LEMD1: variants seen among roughly 807,000 people sequenced by gnomAD.
LEMD1 encodes the protein LEM domain-containing protein 1.
A neutral mutation model predicts 17.4 loss-of-function variants in LEMD1; 18 were observed. The ratio of observed to expected loss-of-function variants is 1.04; its 90% CI spans 0.72 to 1.54. The LOEUF (loss-of-function observed/expected upper bound fraction) is 1.54, where lower values mean the gene tolerates loss of function less well. LEMD1 is among the 40% of genes most tolerant of loss of function. The probability of loss-of-function intolerance (pLI) is 0.00; values close to 1 mark genes in which losing one functional copy is unlikely to be tolerated. For missense variants in LEMD1, 195 were observed against 210.4 expected (o/e 0.93, Z 0.45); for synonymous variants, 88 against 77.8 (o/e 1.13, Z -0.69).
intron 5 of LEMD1, among the ~76,000 whole-genome samples, chr1:205,382,548 C>A (rs1663766148): frequency 6.6e-6 from 1 of 152,164 alleles, no homozygotes. Flanking sequence ...CAGGCGTGAG[C>A]CACTGTGCCC....
chr1:205,392,435 G>A lies in LEMD1; in HGVS notation c.271-8071C>T, dbSNP rs557692417. On this transcript the variant is annotated intron_variant, in intron 4 of 5. Transcript: ENST00000367153. ...TGTGTGCCTGTAGTCCCAGCTACTC[G>A]GGAGGCTGAGGCAGGAGGATCGTTT... Among the ~76,000 whole-genome samples the A allele has an allele frequency of 2.6e-4, 40 of 151,488 alleles. 1 individual carries two copies. The East Asian group carries it at 7.3e-3, about 28-fold the overall frequency.
chr1:205,432,404 C>G (rs996507686), intron 1 of LEMD1, among the ~76,000 whole-genome samples: 1 of 152,224 alleles, frequency 6.6e-6, no homozygotes, highest in African/African-American at 2.4e-5. Context: ...AAAACCTGCT[C>G]CAAGAGGGAA....
At chr1:205,388,008 G>A (rs1574942603) in intron 4 of LEMD1, among the ~76,000 whole-genome samples, 1 of 152,140 alleles carries the variant, frequency 6.6e-6, no homozygotes, top group East Asian at 1.9e-4. Context: ...TGAGAACCCT[G>A]AGGCATGGAG....
intron 1 of LEMD1, among the ~76,000 whole-genome samples, chr1:205,439,614 C>A (rs549860363): frequency 6.6e-6 from 1 of 152,200 alleles, no homozygotes; most frequent in Non-Finnish European, 1.5e-5. Flanking sequence ...TATCTTGGGG[C>A]CTTGCCCTCT....
At chr1:205,418,323 T>C (rs938576811) in intron 3 of LEMD1, among the ~76,000 whole-genome samples, 1 of 152,168 alleles carries the variant, frequency 6.6e-6, no homozygotes, top group Non-Finnish European at 1.5e-5. Flanking sequence ...GCCCTTCCCC[T>C]AAGATCCCTG....
At chr1:205,392,608 G>A (rs750796801) in intron 4 of LEMD1, among the ~76,000 whole-genome samples, 1 of 151,684 alleles carries the variant, frequency 6.6e-6, no homozygotes, top group Non-Finnish European at 1.5e-5. Context: ...GAATAGAGAA[G>A]ACAGAGAAAA....
At position 205,420,500 on chromosome 1, in the gene LEMD1, G is replaced by A. The variant is rs199985275; in HGVS notation, c.37C>T (p.Gln13Ter). The A allele has an allele frequency of 3.2e-5, 51 of 1,613,910 alleles. No individual in the cohort carries two copies. The highest frequency in any genetic ancestry group is 3.9e-5 in the Non-Finnish European group (46 of 1,179,964). The change falls in exon 2 of 6, where the codon CAG becomes TAG. Residue 13 changes from glutamine (Q) to a stop codon, truncating the protein, a stop_gained. Transcript: ENST00000367153. LOFTEE classifies it high-confidence loss of function. ...DVKCLSDCKL[Q>*]NQLEKLGFSP... ...AATCCAAGCTTCTCAAGTTGGTTCT[G>A]CAATTTACAGTCACTCAGACACTTC... is the stretch of plus-strand genomic sequence containing the variant.
intron 5 of LEMD1, among the ~76,000 whole-genome samples, chr1:205,382,607 G>A (rs1663772256): frequency 6.6e-6 from 1 of 152,046 alleles, no homozygotes; most frequent in Non-Finnish European, 1.5e-5. Flanking sequence ...GGGGATATGA[G>A]GTCTCTCAAA....
chr1:205,394,736 C>T (rs1477283722), intron 4 of LEMD1, among the ~76,000 whole-genome samples: 9 of 151,878 alleles, frequency 5.9e-5, no homozygotes, highest in Non-Finnish European at 1.5e-5. Flanking sequence ...TGCCTGTAAT[C>T]TCAGCACCTT....
intron 1 of LEMD1, among the ~76,000 whole-genome samples, chr1:205,421,208 C>A (rs1248493111): frequency 6.6e-6 from 1 of 152,196 alleles, no homozygotes; most frequent in Non-Finnish European, 1.5e-5. Context: ...TTATGTAAAT[C>A]TTGATATGGC....
chr1:205,404,885 A>C (rs1182933173), intron 4 of LEMD1, among the ~76,000 whole-genome samples: 2 of 151,962 alleles, frequency 1.3e-5, no homozygotes, highest in Admixed American at 6.6e-5. Context: ...GAGCTCTTTT[A>C]GGGCAGGCCT....
At chr1:205,429,607 G>A (rs961469729) in intron 1 of LEMD1, among the ~76,000 whole-genome samples, 28 of 152,168 alleles carry the variant, frequency 1.8e-4, no homozygotes, top group African/African-American at 6.0e-4. Context: ...GGAGATAGCC[G>A]GGGTTGGGGG....
At chr1:205,445,471 G>C (rs981091036) in intron 1 of LEMD1, among the ~76,000 whole-genome samples, 4 of 152,214 alleles carry the variant, frequency 2.6e-5, no homozygotes, top group Admixed American at 6.5e-5. Context: ...CTGGCTCACC[G>C]AGCTCTCTGG....
intron 4 of LEMD1, among the ~76,000 whole-genome samples, chr1:205,407,190 T>G (rs1665154460): frequency 6.6e-6 from 1 of 151,750 alleles, no homozygotes; most frequent in African/African-American, 2.4e-5. Flanking sequence ...ATTAGCCAGG[T>G]GTGGCAGCAC....
intron 4 of LEMD1, among the ~76,000 whole-genome samples, chr1:205,393,281 TATAATGATGTCATAAG>T (rs964787784): frequency 1.7e-4 from 26 of 152,180 alleles, no homozygotes; most frequent in African/African-American, 6.3e-4. Flanking sequence ...CCTATCTTGA[TATAATGATGTCATAAG>T]ATAATGACAT....
chr1:205,420,424 G>T (rs1180670364), intron 2 of LEMD1, 31 bp downstream of exon 2: 3 of 1,507,856 alleles, frequency 2.0e-6, no homozygotes. Context: ...TAAATGACAA[G>T]TCTGTAATAT....
chr1:205,448,439 C>T lies in LEMD1; in HGVS notation c.-39+1429G>A. On this transcript the variant is annotated intron_variant, in intron 1 of 3. Coordinates refer to the LEMD1 transcript ENST00000367154. This position sits in a 1 kb window ranked among gnomAD's most constrained non-coding sequence, Gnocchi z 4.7. ...AGGAATCTCATAGGGAAGCGAGAAG[C>T]TGGGGCACCCGAGAAGCCCTCACTC... 1 of 531,468 alleles carries T rather than the reference C, an allele frequency of 1.9e-6. No individual in the cohort carries two copies. Among genetic ancestry groups the T allele is most frequent in the Admixed American group, 1.9e-5 (1 of 51,290 alleles). The allele number at this position is 531,468 out of a possible 1,614,324, so 32.9% of individuals were successfully genotyped here.
chr1:205,412,639 C>A (rs1005718868), intron 4 of LEMD1, among the ~76,000 whole-genome samples: 1 of 152,118 alleles, frequency 6.6e-6, no homozygotes, highest in Admixed American at 6.5e-5. Flanking sequence ...CTTCTACCAC[C>A]TTTTACATGG....
chr1:205,381,699 A>G lies in LEMD1; in HGVS notation c.505T>C (p.Phe169Leu), dbSNP rs1663701200. The G allele has an allele frequency of 6.2e-7, 1 of 1,614,120 alleles. No homozygotes were observed. The highest frequency in any genetic ancestry group is 8.5e-7 in the Non-Finnish European group (1 of 1,180,048). Residue 169 changes from phenylalanine (F) to leucine (L), a missense_variant, in exon 6 of 6, where the codon TTT becomes CTT. Phe to Leu is a conservative substitution (Grantham distance 22, BLOSUM62 0). Coordinates refer to ENST00000367153, the MANE Select transcript of LEMD1 (RefSeq NM_001199050.2). The part of the protein sequence containing the change: ...AVLGIFIIVV[F>L]VYLTVENKSL... ...TTATTTTCCACAGTCAGGTAGACAA[A>G]CACCACAATGATGAAAATACCAAGC...
Sources: gnomAD v4.1 joint callset for allele counts (sites outside exome capture counted in the v4.1 genomes callset) on GRCh38, gnomAD v4.1.1 for gene constraint, Gnocchi (gnomAD v3.1) non-coding constraint, MANE v1.5 for transcripts, NCBI Gene and HGNC (gene_info 2026-07-23, HGNC 2026-07-21) for gene names.